The following MACF1 variants were observed in gnomAD, a reference collection of about 807,000 sequenced individuals.
The protein encoded by MACF1 is microtubule actin crosslinking factor 1, also known as microtubule-actin cross-linking factor 1.
In MACF1, 193 loss-of-function variants were observed where a neutral mutation model predicts 854.8. That is an observed-to-expected ratio of 0.23 (90% CI 0.20 to 0.25). MACF1 has a LOEUF of 0.25. Ranked by LOEUF, MACF1 falls within the 10% of genes least tolerant of loss-of-function variation. MACF1 has a pLI of 1.00. For missense variants in MACF1, 7,722 were observed against 8,929.1 expected (o/e 0.86, Z 5.45); for synonymous variants, 3,185 against 3,226.7 (o/e 0.99, Z 0.44).
At chr1:39,466,755 T>C (rs17511836) in intron 95 of MACF1, among the ~76,000 whole-genome samples, 4,174 of 152,326 alleles carry the variant, frequency 0.027, 97 homozygotes, top group Middle Eastern at 0.082. Context: ...GTATTCTCTT[T>C]CAAGTCTGGG....
In MACF1 at chr1:39,442,303, A is replaced by C; in HGVS notation, c.18931A>C (p.Lys6311Gln). The change falls in exon 76 of 101, where the codon AAA becomes CAA. Residue 6311 changes from lysine to glutamine, a missense_variant. Physicochemically the swap from Lys to Gln is moderately conservative, Grantham distance 53. Around this residue, in one of 15 missense-constraint regions of MACF1, gnomAD observed 2,807 missense variants for 3,235.8 expected, o/e 0.87. Transcript: ENST00000564288. ...LKHLWENLGE[K>Q]IAHRQHKLEG... ...ACACCTCTGGGAGAACCTGGGTGAGAAAATTGCCCACCGACAGGTAAGGCA... is the reference window on the plus strand; with the variant it reads ...ACACCTCTGGGAGAACCTGGGTGAGCAAATTGCCCACCGACAGGTAAGGCA... The C allele has an allele frequency of 6.3e-7, 1 of 1,596,832 alleles. No individual in the cohort carries two copies. The highest frequency in any genetic ancestry group is 8.5e-7 in the Non-Finnish European group (1 of 1,173,956).
At chr1:39,393,368 A>C (rs567827679) in intron 58 of MACF1, among the ~76,000 whole-genome samples, 6 of 151,992 alleles carry the variant, frequency 3.9e-5, no homozygotes, top group African/African-American at 1.4e-4. Flanking sequence ...CTTCTCACTC[A>C]GAAAGTATTT....
At chr1:39,357,317 A>G in intron 44 of MACF1, 58 bp from the exon 45 acceptor site, 1 of 1,563,384 alleles carries the variant, frequency 6.4e-7, no homozygotes, top group Non-Finnish European at 8.7e-7. Flanking sequence ...TGTATACCTC[A>G]AATTATTGTG....
Position 39,327,287 on chromosome 1 carries a change from T to C in MACF1, c.4548T>C (p.Leu1516=). ...LNALNKAYHD[L]CDGSANQLQQ... is the part of the protein sequence containing the mutation. ...CCCTAAACAAGGCTTACCATGACCT[T>C]TGTGATGGTTCTGCAAATCAGCTTC... The change falls in exon 36 of 101, where the codon CTT becomes CTC. Residue 1516 remains leucine, a synonymous_variant. Coordinates refer to ENST00000564288, the MANE Select transcript of MACF1 (RefSeq NM_001394062.1). 2 of 1,608,454 alleles carry C rather than the reference T, an allele frequency of 1.2e-6. No homozygotes were observed. Among genetic ancestry groups the C allele is most frequent in the Non-Finnish European group, 1.7e-6 (2 of 1,175,364 alleles).
At chr1:39,102,912 C>A (rs764045086) in intron 2 of MACF1, 2 of 702,246 alleles carry the variant, frequency 2.8e-6, no homozygotes, top group Admixed American at 2.0e-5. Context: ...CTTCCCATCC[C>A]CCCTGGCAGC....
intron 58 of MACF1, among the ~76,000 whole-genome samples, chr1:39,402,606 G>A (rs1038968587): frequency 5.3e-5 from 8 of 152,124 alleles, no homozygotes; most frequent in African/African-American, 1.9e-4. Flanking sequence ...CAGTGTCATG[G>A]AAGTCAAAAG....
Position 39,353,109 on chromosome 1 carries a change from C to T in MACF1, c.11302C>T (p.Leu3768Phe), listed in dbSNP as rs749815379. The T allele has an allele frequency of 8.7e-6, 14 of 1,614,020 alleles. No individual in the cohort carries two copies. Among genetic ancestry groups the T allele is most frequent in the Non-Finnish European group, 1.2e-5 (14 of 1,180,008 alleles). Reference protein sequence around the residue: ...GSSGGQLLTNLPGMEQLSGAS... With the variant: ...GSSGGQLLTNFPGMEQLSGAS... ...ATCTGGTGGACAGCTGCTGACCAAC[C>T]TTCCAGGAATGGAGCAGCTCTCGGG... is the stretch of plus-strand genomic sequence containing the variant. Residue 3768 changes from leucine (L) to phenylalanine (F), a missense_variant, in exon 44 of 101, where the codon CTT becomes TTT. This residue lies in a region of MACF1 where 2,807 missense variants were observed against 3,235.8 expected (regional missense o/e 0.87). Coordinates refer to ENST00000564288, the MANE Select transcript of MACF1 (RefSeq NM_001394062.1).
rs567486573 is a variant in MACF1 at position 39,215,893 on chromosome 1, G to C, written c.109+10762G>C. Among the ~76,000 whole-genome samples the C allele has an allele frequency of 4.2e-4, 64 of 152,246 alleles. 1 individual carries two copies. The South Asian group carries it at 0.013, about 32-fold the overall frequency. ...TCTTTTACACTTTACTCTGCCAGCT[G>C]TGACAGAGAGAGAAAAAGACTCAAA... On this transcript the variant is annotated intron_variant, in intron 1 of 100. Transcript: ENST00000564288.
intron 58 of MACF1, chr1:39,412,110 A>C (rs780427770): frequency 1.2e-6 from 2 of 1,613,826 alleles, no homozygotes; most frequent in Admixed American, 1.7e-5. Flanking sequence ...ATGAAGAAAA[A>C]TTATCAGGCT....
At chr1:39,380,156 C>A in intron 54 of MACF1, 88 bp from the exon 55 acceptor site, 1 of 1,368,408 alleles carries the variant, frequency 7.3e-7, no homozygotes, top group Non-Finnish European at 1.0e-6. Context: ...TCTATAATAA[C>A]TGCCCAGTTT....
chr1:39,437,747 T>C (rs374727915), intron 70 of MACF1, 30 bp from the exon 71 acceptor site: 12 of 1,462,010 alleles, frequency 8.2e-6, no homozygotes, highest in Non-Finnish European at 1.2e-5. Flanking sequence ...TGAGGTATGC[T>C]GTGATGGTAA....
At chr1:39,095,270 T>TG (rs1641907407) in intron 2 of MACF1, among the ~76,000 whole-genome samples, 1 of 151,670 alleles carries the variant, frequency 6.6e-6, no homozygotes, top group Admixed American at 6.6e-5. Context: ...GTCAGAAATG[T>TG]GGGGGAAGGC....
chr1:39,237,872 T>G (rs1032074915), intron 2 of MACF1, among the ~76,000 whole-genome samples: 1 of 152,158 alleles, frequency 6.6e-6, no homozygotes, highest in Non-Finnish European at 1.5e-5. Context: ...ACAAAAAAAT[T>G]TTAATGAAAA....
chr1:39,225,377 C>T (rs917620706), intron 1 of MACF1, among the ~76,000 whole-genome samples: 2 of 150,982 alleles, frequency 1.3e-5, no homozygotes, highest in South Asian at 2.1e-4. Context: ...CCACCGCGCC[C>T]GGCTAATTTT....
rs111715849 is a variant in MACF1, at chr1:39,376,757, C to T, written c.13214-1704C>T. On this transcript the variant is annotated intron_variant, in intron 52 of 100. Transcript: ENST00000564288. ...TAGAGACAGGGTCTCGCTCTGTCAC[C>T]CAGGCTGGAGTACGGTAGTGTGATC... 5.2e-3 allele frequency among the ~76,000 whole-genome samples: 788 copies of T among 152,072 alleles called. 6 individuals are homozygous for T. The highest frequency in any genetic ancestry group is 0.018 in the African/African-American group (729 of 41,484).
chr1:39,275,927 T>TCTTC (rs397750361), intron 6 of MACF1, among the ~76,000 whole-genome samples: 12 of 122,404 alleles, frequency 9.8e-5, no homozygotes, highest in Non-Finnish European at 1.9e-4. Flanking sequence ...TTCTTCTTCT[T>TCTTC]TTTTTTTTTT....
At chr1:39,413,166 G>T (rs1274690951) in intron 58 of MACF1, 1 of 1,613,404 alleles carries the variant, frequency 6.2e-7, no homozygotes, top group Non-Finnish European at 8.5e-7. Context: ...TCACAGAGGA[G>T]GATGGTACAC....
intron 23 of MACF1, among the ~76,000 whole-genome samples, chr1:39,308,241 C>T (rs1646230782): frequency 6.6e-6 from 1 of 152,062 alleles, no homozygotes; most frequent in Admixed American, 6.6e-5. Context: ...GTTTTTAGTT[C>T]TTGCTTTTAA....
chr1:39,468,800 A>T, intron 96 of MACF1, 68 bp downstream of exon 96: 1 of 1,355,788 alleles, frequency 7.4e-7, no homozygotes, highest in Non-Finnish European at 1.1e-6. Context: ...TTATGCTTAC[A>T]GGAAGCATTG....
Sources: allele counts gnomAD v4.1 joint callset (sites outside exome capture counted in the v4.1 genomes callset), GRCh38; gene constraint gnomAD v4.1.1; regional missense constraint gnomAD v4.1.1; transcripts MANE v1.5; gene names NCBI Gene and HGNC (gene_info 2026-07-23, HGNC 2026-07-21).